Variants in CDYL2 observed in about 807,000 individuals in gnomAD.
The protein encoded by CDYL2 is chromodomain Y like 2, also known as chromodomain Y-like protein 2.
Under a neutral mutation model 49.4 loss-of-function variants are expected in CDYL2, and 23 were observed. The observed-to-expected ratio is 0.47, with a 90% confidence interval of 0.34 to 0.66. CDYL2 has a LOEUF of 0.66. Among genes scored for constraint, CDYL2 ranks in the 30% least tolerant of loss-of-function variants. The pLI is 0.01. For synonymous variants in CDYL2, 360 were observed against 268.8 expected (o/e 1.34, Z -3.32); for missense variants, 678 against 656.4 (o/e 1.03, Z -0.36).
At chr16:80,663,309 G>C (rs1319829572) in intron 2 of CDYL2, among the ~76,000 whole-genome samples, 1 of 151,350 alleles carries the variant, frequency 6.6e-6, no homozygotes, top group Non-Finnish European at 1.5e-5. Flanking sequence ...TTAAATAAAA[G>C]AGAAGACTCA....
intron 2 of CDYL2, among the ~76,000 whole-genome samples, chr16:80,672,039 T>G (rs1297131248): frequency 6.6e-6 from 1 of 152,204 alleles, no homozygotes; most frequent in Admixed American, 6.5e-5. Context: ...TTTGGAATAT[T>G]TGTATTATAC....
chr16:80,777,613 A>G (rs1907131231), intron 1 of CDYL2, among the ~76,000 whole-genome samples: 1 of 152,150 alleles, frequency 6.6e-6, no homozygotes, highest in Admixed American at 6.5e-5. Context: ...AAATAAGAAT[A>G]AAATGATGTT....
chr16:80,693,013 T>C (rs1245104298), intron 1 of CDYL2, among the ~76,000 whole-genome samples: 1 of 151,686 alleles, frequency 6.6e-6, no homozygotes, highest in African/African-American at 2.4e-5. Flanking sequence ...CACACAACAA[T>C]TTGGAAGAAA....
chr16:80,626,275 TAAAAAAAA>T lies in CDYL2; in HGVS notation c.835-5348_835-5341del, dbSNP rs11358031. Among the ~76,000 whole-genome samples the T allele has an allele frequency of 9.8e-4, 90 of 92,298 alleles. No homozygotes were observed. In the South Asian group the frequency reaches 0.014, roughly 15 times the overall value. The allele number at this position is 92,298 out of a possible 152,430, so 60.6% of individuals were successfully genotyped here. On this transcript the variant is annotated intron_variant, in intron 3 of 6. Coordinates refer to ENST00000570137, the MANE Select transcript of CDYL2 (RefSeq NM_152342.4). ...CTCGGTGACAGAATGAAATCCCATCTAAAAAAAAAAAAAAAAAAAAAGGAAAAAATTGG... is the reference window on the plus strand; with the variant it reads ...CTCGGTGACAGAATGAAATCCCATCTAAAAAAAAAAAAAGGAAAAAATTGG...
intron 2 of CDYL2, among the ~76,000 whole-genome samples, chr16:80,635,990 TC>T (rs1221539417): frequency 6.6e-6 from 1 of 152,146 alleles, no homozygotes; most frequent in Non-Finnish European, 1.5e-5. Flanking sequence ...ATAAACGGTG[TC>T]GGGAAAACCA....
rs762788877 is a variant in CDYL2 at position 80,608,199 on chromosome 16, C to T, written c.1255G>A (p.Ala419Thr). 6 of 1,593,832 alleles carry T rather than the reference C, an allele frequency of 3.8e-6. No individual in the cohort carries two copies. The highest frequency in any genetic ancestry group is 5.1e-6 in the Non-Finnish European group (6 of 1,169,864). Residue 419 changes from alanine (A) to threonine (T), a missense_variant, in exon 6 of 7, where the codon GCC (alanine) becomes ACC (threonine). Transcript: ENST00000570137. ...EMLFCGRKLT[A>T]QEACSRGLVS... ...AGCCCCCTGCTGCAGGCCTCCTGGG[C>T]GGTGAGCTTCCGCCCACAGAACAGC...
At chr16:80,644,261 A>T (rs1028929096) in intron 2 of CDYL2, among the ~76,000 whole-genome samples, 2 of 152,216 alleles carry the variant, frequency 1.3e-5, no homozygotes, top group Admixed American at 6.5e-5. Context: ...TCCATCTGAG[A>T]CCATCTAAGC....
intron 1 of CDYL2, among the ~76,000 whole-genome samples, chr16:80,735,608 G>C (rs1361841833): frequency 6.6e-6 from 1 of 152,172 alleles, no homozygotes; most frequent in Non-Finnish European, 1.5e-5. Context: ...AGGCAGCCCA[G>C]ACCCCCAGGG....
chr16:80,733,579 G>A (rs1171263029), intron 1 of CDYL2, among the ~76,000 whole-genome samples: 1 of 152,112 alleles, frequency 6.6e-6, no homozygotes, highest in Non-Finnish European at 1.5e-5. Flanking sequence ...ATGCCAAGAT[G>A]GAGAAATGCC....
At chr16:80,774,551 T>C (rs117123356) in intron 1 of CDYL2, among the ~76,000 whole-genome samples, 5,045 of 152,222 alleles carry the variant, frequency 0.033, 122 homozygotes, top group Admixed American at 0.076. Flanking sequence ...ATCTTTAATG[T>C]TCATACCACA....
rs1183920897 is a variant in CDYL2, at chr16:80,602,897, A to C, written c.*1491T>G. ...ACATCCCTTCCATTTGTCTGCTCTCAACTTCAGGTTTTCCTGAACTTTCTC... is the reference window on the plus strand; with the variant it reads ...ACATCCCTTCCATTTGTCTGCTCTCCACTTCAGGTTTTCCTGAACTTTCTC... On this transcript the variant is annotated 3_prime_UTR_variant, in exon 7 of 7. Coordinates refer to ENST00000570137, the MANE Select transcript of CDYL2 (RefSeq NM_152342.4). 1 of 118,280 alleles carries C rather than the reference A, an allele frequency of 8.5e-6. No individual in the cohort carries two copies. Among genetic ancestry groups the C allele is most frequent in the East Asian group, 2.2e-4 (1 of 4,518 alleles). The allele number at this position is 118,280 out of a possible 1,614,324, so 7.3% of individuals were successfully genotyped here.
At chr16:80,692,777 A>T (rs1259210925) in intron 1 of CDYL2, among the ~76,000 whole-genome samples, 1 of 152,232 alleles carries the variant, frequency 6.6e-6, no homozygotes, top group Non-Finnish European at 1.5e-5. Context: ...GTGAAAACTT[A>T]ACTGAATGAT....
chr16:80,680,900 G>A (rs959460721), intron 2 of CDYL2, among the ~76,000 whole-genome samples: 1 of 151,940 alleles, frequency 6.6e-6, no homozygotes, highest in Admixed American at 6.6e-5. Flanking sequence ...GTTTTAACAA[G>A]CTCCCCAAGA....
chr16:80,621,971 A>G (rs758738396), intron 3 of CDYL2, among the ~76,000 whole-genome samples: 21 of 152,290 alleles, frequency 1.4e-4, no homozygotes, highest in Non-Finnish European at 2.8e-4. Flanking sequence ...CAGCCTCCCC[A>G]ACACCAGTGA....
At position 80,745,095 on chromosome 16, in the gene CDYL2, C is replaced by T. The variant is rs550458946; in HGVS notation, c.24+59055G>A. 2.6e-5 allele frequency among the ~76,000 whole-genome samples: 4 copies of T among 152,304 alleles called. No individual in the cohort carries two copies. In the East Asian group the frequency reaches 5.8e-4, roughly 22 times the overall value. Reference sequence around the variant, plus strand: ...AGTGCATTCACAACACTTTAATCTGCAAAACCACTCCCCCACGCTGGGGGC... The same window carrying T: ...AGTGCATTCACAACACTTTAATCTGTAAAACCACTCCCCCACGCTGGGGGC... On this transcript the variant is annotated intron_variant, in intron 1 of 6. Transcript: ENST00000570137.
At chr16:80,621,575 C>T (rs553151583) in intron 3 of CDYL2, among the ~76,000 whole-genome samples, 3 of 152,344 alleles carry the variant, frequency 2.0e-5, no homozygotes, top group Admixed American at 6.5e-5. Flanking sequence ...TGGGTGGACC[C>T]ACTCTCAAGG....
rs1386761983 is a variant in CDYL2, at chr16:80,601,375, A to C, written c.*3013T>G. ...TGTCCTCAATTGCCCACCCACAGCTATTCTTTCAAACCCAAAGGTAATTGC... is the reference window on the plus strand; with the variant it reads ...TGTCCTCAATTGCCCACCCACAGCTCTTCTTTCAAACCCAAAGGTAATTGC... On this transcript the variant is annotated 3_prime_UTR_variant, in exon 7 of 7. Coordinates refer to ENST00000570137, the MANE Select transcript of CDYL2 (RefSeq NM_152342.4). 1 of 152,210 alleles carries C rather than the reference A, an allele frequency of 6.6e-6. No homozygotes were observed. The highest frequency in any genetic ancestry group is 1.5e-5 in the Non-Finnish European group (1 of 68,048). 9.4% of individuals were successfully genotyped at this position (152,210 alleles called of 1,614,324 possible).
chr16:80,637,461 G>T (rs957451056), intron 2 of CDYL2, among the ~76,000 whole-genome samples: 1 of 152,082 alleles, frequency 6.6e-6, no homozygotes, highest in South Asian at 2.1e-4. Flanking sequence ...TAAATAAAAC[G>T]ATTTTTGTCC....
chr16:80,712,215 A>ATATATC (rs763194077), intron 1 of CDYL2, among the ~76,000 whole-genome samples: 3 of 128,358 alleles, frequency 2.3e-5, no homozygotes, highest in East Asian at 2.1e-4. Flanking sequence ...ATATATATAT[A>ATATATC]TCTCCAAACC....
Sources: allele counts gnomAD v4.1 joint callset (sites outside exome capture counted in the v4.1 genomes callset), GRCh38; gene constraint gnomAD v4.1.1; transcripts MANE v1.5; gene names NCBI Gene and HGNC (gene_info 2026-07-23, HGNC 2026-07-21).